Variants in FHIP1A observed in about 807,000 individuals in gnomAD.
FHIP1A encodes the protein FHF complex subunit HOOK-interacting protein 1A.
FHIP1A carries 61 observed loss-of-function variants against 88.6 expected under a neutral mutation model. That is an observed-to-expected ratio of 0.69 (90% CI 0.56 to 0.85). The LOEUF is 0.85. Ranked by LOEUF, FHIP1A falls within the 40% of genes least tolerant of loss-of-function variation. FHIP1A has a pLI of 0.00. For missense variants in FHIP1A, 1,154 were observed against 1,273.5 expected (o/e 0.91, Z 1.43); for synonymous variants, 478 against 496.0 (o/e 0.96, Z 0.48).
chr4:151,660,449 G>C (rs544748808), intron 13 of FHIP1A, among the ~76,000 whole-genome samples: 1 of 152,350 alleles, frequency 6.6e-6, no homozygotes, highest in Admixed American at 6.5e-5. Flanking sequence ...AGGAGAATGG[G>C]GAGAGGAATA....
At chr4:151,541,686 G>A (rs938166209) in intron 3 of FHIP1A, among the ~76,000 whole-genome samples, 1 of 152,210 alleles carries the variant, frequency 6.6e-6, no homozygotes, top group African/African-American at 2.4e-5. Context: ...TTGTTGGCAA[G>A]CTCTGGCTGC....
intron 3 of FHIP1A, among the ~76,000 whole-genome samples, chr4:151,547,787 G>A (rs531986742): frequency 6.6e-6 from 1 of 152,112 alleles, no homozygotes; most frequent in African/African-American, 2.4e-5. Context: ...GGTGGCGGGT[G>A]CTTGTAATCC....
chr4:151,627,778 A>T (rs549068376), intron 7 of FHIP1A, among the ~76,000 whole-genome samples: 3 of 152,318 alleles, frequency 2.0e-5, no homozygotes, highest in Admixed American at 2.0e-4. Flanking sequence ...TTCAGGACAC[A>T]TGTAGAGGAT....
chr4:151,588,279 A>G (rs530739644), intron 6 of FHIP1A, among the ~76,000 whole-genome samples: 3 of 152,232 alleles, frequency 2.0e-5, no homozygotes, highest in African/African-American at 7.2e-5. Context: ...TTTGAATATT[A>G]TCTATTTTTC....
intron 1 of FHIP1A, among the ~76,000 whole-genome samples, chr4:151,418,603 T>C (rs1445810605): frequency 6.6e-6 from 1 of 152,212 alleles, no homozygotes. Context: ...TGAGTTTCTG[T>C]CAATATTGGC....
At chr4:151,413,413 T>C (rs754662491) in intron 1 of FHIP1A, among the ~76,000 whole-genome samples, 27 of 152,316 alleles carry the variant, frequency 1.8e-4, no homozygotes, top group Middle Eastern at 3.4e-3. Context: ...CCTTATAATA[T>C]TAGATAATAT....
chr4:151,641,924 C>T (rs951525711), intron 9 of FHIP1A, among the ~76,000 whole-genome samples: 11 of 152,096 alleles, frequency 7.2e-5, no homozygotes, highest in African/African-American at 2.7e-4. Flanking sequence ...TATGTGACTG[C>T]GTTTAATGAA....
At chr4:151,580,443 C>A (rs546930101) in intron 5 of FHIP1A, among the ~76,000 whole-genome samples, 22 of 152,240 alleles carry the variant, frequency 1.4e-4, no homozygotes, top group African/African-American at 5.3e-4. Context: ...CATTGAGATA[C>A]CAGTTAATAC....
chr4:151,563,779 C>T (rs1733265134), intron 3 of FHIP1A, among the ~76,000 whole-genome samples: 1 of 151,982 alleles, frequency 6.6e-6, no homozygotes, highest in African/African-American at 2.4e-5. Context: ...TGCTTGAGCT[C>T]AGGAGTTCGA....
intron 5 of FHIP1A, among the ~76,000 whole-genome samples, chr4:151,585,505 C>T (rs563624904): frequency 7.9e-5 from 12 of 152,172 alleles, no homozygotes; most frequent in Non-Finnish European, 1.6e-4. Context: ...TGCATTCAAT[C>T]TGTGCCATCC....
chr4:151,605,596 T>A (rs1281331150), intron 7 of FHIP1A, among the ~76,000 whole-genome samples: 1 of 152,230 alleles, frequency 6.6e-6, no homozygotes, highest in Non-Finnish European at 1.5e-5. Context: ...GAAACCATGC[T>A]TGAACAACAT....
chr4:151,548,856 G>T (rs1444545464), intron 3 of FHIP1A, among the ~76,000 whole-genome samples: 1 of 152,230 alleles, frequency 6.6e-6, no homozygotes, highest in African/African-American at 2.4e-5. Flanking sequence ...GTGCTGTAAA[G>T]AAATAGCACT....
intron 7 of FHIP1A, among the ~76,000 whole-genome samples, chr4:151,619,060 G>C (rs146059161): frequency 6.6e-6 from 1 of 152,250 alleles, no homozygotes; most frequent in East Asian, 1.9e-4. Context: ...TGCCAGAGTG[G>C]AACAGGAAGC....
intron 8 of FHIP1A, 64 bp from the exon 9 acceptor site, chr4:151,638,613 A>G (rs552827825): frequency 1.8e-5 from 17 of 959,126 alleles, no homozygotes; most frequent in Non-Finnish European, 2.2e-5. Context: ...TTTATTTACT[A>G]TCTGTGGGGA....
At chr4:151,429,021 C>T (rs1014880217) in intron 1 of FHIP1A, among the ~76,000 whole-genome samples, 2 of 152,090 alleles carry the variant, frequency 1.3e-5, no homozygotes, top group Non-Finnish European at 2.9e-5. Flanking sequence ...AATTTATATG[C>T]TTACATAAAT....
intron 3 of FHIP1A, among the ~76,000 whole-genome samples, chr4:151,559,183 G>A (rs1733073520): frequency 6.6e-6 from 1 of 152,110 alleles, no homozygotes. Context: ...TATACTCATC[G>A]TGCAGGTACT....
rs529706107 is a variant in FHIP1A at position 151,624,240 on chromosome 4, G to T, written c.979-5462G>T. ...ACTAAAGTTTGTACTTCGGGGACGG[G>T]TAGTCAGTGTTTATTCAGGTACCTC... On this transcript the variant is annotated intron_variant, in intron 7 of 13. Coordinates refer to ENST00000435205, the MANE Select transcript of FHIP1A (RefSeq NM_001109977.3). Among the ~76,000 whole-genome samples the T allele has an allele frequency of 5.6e-4, 85 of 152,352 alleles. No homozygotes were observed. The Middle Eastern group carries it at 0.01, about 18-fold the overall frequency.
In FHIP1A at chr4:151,454,774, T is replaced by C. The variant is rs756346430; in HGVS notation, c.-282T>C. 8 of 152,172 alleles carry C rather than the reference T, an allele frequency of 5.3e-5. No homozygotes were observed. The highest frequency in any genetic ancestry group is 7.3e-5 in the Non-Finnish European group (5 of 68,032). 9.4% of individuals were successfully genotyped at this position (152,172 alleles called of 1,614,324 possible). A position where few individuals can be genotyped will look rare whatever the true frequency, so the allele number is the denominator to read the frequency against. ...ATGTTTGACTATGAATGTTTCGTTA[T>C]AACTGCCTGGAAGGTTAGCGTCAAA... is the stretch of plus-strand genomic sequence containing the variant. On this transcript the variant is annotated 5_prime_UTR_variant, in exon 2 of 14. The change abolishes the stop of an existing upstream ORF in the 5' untranslated region. Transcript: ENST00000435205.
At chr4:151,526,150 T>C (rs1300912965) in intron 3 of FHIP1A, among the ~76,000 whole-genome samples, 2 of 152,198 alleles carry the variant, frequency 1.3e-5, no homozygotes, top group Non-Finnish European at 2.9e-5. Context: ...GTCTCCCATG[T>C]CTACCTCTTT....
Sources: allele counts gnomAD v4.1 joint callset (sites outside exome capture counted in the v4.1 genomes callset), GRCh38; gene constraint gnomAD v4.1.1; transcripts MANE v1.5; gene names NCBI Gene and HGNC (gene_info 2026-07-23, HGNC 2026-07-21).